Variants in ABCC4 observed in about 807,000 individuals in gnomAD.
The protein encoded by ABCC4 is ATP-binding cassette sub-family C member 4.
In ABCC4, 102 loss-of-function variants were observed where a neutral mutation model predicts 168.5. The ratio of observed to expected loss-of-function variants is 0.61; its 90% confidence interval spans 0.52 to 0.71. The LOEUF is 0.71. Among genes scored for constraint, ABCC4 ranks in the 30% least tolerant of loss-of-function variants. The pLI is 0.00. For synonymous variants in ABCC4, 617 were observed against 590.7 expected (o/e 1.04, Z -0.65); for missense variants, 1,402 against 1,605.8 (o/e 0.87, Z 2.17).
At chr13:95,136,954 C>A (rs1203399840) in intron 19 of ABCC4, among the ~76,000 whole-genome samples, 3 of 152,200 alleles carry the variant, frequency 2.0e-5, no homozygotes, top group African/African-American at 7.2e-5. Flanking sequence ...AGAGTTGGGC[C>A]AGGGATAGAG....
intron 29 of ABCC4, chr13:95,043,364 A>G (rs574130366): frequency 1.6e-4 from 40 of 244,342 alleles, no homozygotes; most frequent in Non-Finnish European, 2.6e-4. Flanking sequence ...GACAGTGACA[A>G]TGACTGTGAT....
intron 1 of ABCC4, among the ~76,000 whole-genome samples, chr13:95,251,665 G>A (rs911436057): frequency 4.6e-5 from 7 of 152,184 alleles, no homozygotes; most frequent in Non-Finnish European, 8.8e-5. Flanking sequence ...GGAGGTAAGC[G>A]AGAAGGCAGG....
intron 1 of ABCC4, among the ~76,000 whole-genome samples, chr13:95,261,354 C>T (rs1050440636): frequency 2.0e-5 from 3 of 152,022 alleles, no homozygotes; most frequent in Admixed American, 2.0e-4. Flanking sequence ...GAAGCTAAGG[C>T]GGAAGAATCA....
At chr13:95,206,412 C>A in intron 8 of ABCC4, 120 bp downstream of exon 8, 3 of 1,330,998 alleles carry the variant, frequency 2.3e-6, no homozygotes, top group Non-Finnish European at 3.1e-6. Context: ...GGAATGGCGG[C>A]ACGTTTTGGT....
At chr13:95,125,482 G>A (rs1678371) in intron 19 of ABCC4, among the ~76,000 whole-genome samples, 73,749 of 151,730 alleles carry the variant, frequency 0.49, 18,636 homozygotes, top group South Asian at 0.69. Flanking sequence ...CTCCACCTCA[G>A]GATTAAATTA....
chr13:95,269,788 A>G (rs978601976), intron 1 of ABCC4, among the ~76,000 whole-genome samples: 3 of 152,230 alleles, frequency 2.0e-5, no homozygotes, highest in African/African-American at 4.8e-5. Flanking sequence ...TCCTACAGAT[A>G]CATCTGAAAA....
chr13:95,298,552 T>A (rs2041596226), intron 1 of ABCC4, among the ~76,000 whole-genome samples: 1 of 152,156 alleles, frequency 6.6e-6, no homozygotes, highest in African/African-American at 2.4e-5. Flanking sequence ...CTGCTCTGAG[T>A]GCTATGCTTT....
intron 29 of ABCC4, 143 bp downstream of exon 29, chr13:95,043,539 A>G (rs553303707): frequency 1.7e-6 from 1 of 578,108 alleles, no homozygotes; most frequent in Non-Finnish European, 3.1e-6. Flanking sequence ...GTAGTTAAGC[A>G]TATGAATTAC....
intron 20 of ABCC4, among the ~76,000 whole-genome samples, chr13:95,102,241 C>A (rs1385916624): frequency 6.6e-6 from 1 of 152,064 alleles, no homozygotes; most frequent in Non-Finnish European, 1.5e-5. Context: ...AACTTCTGGG[C>A]TCAAGTGATC....
intron 19 of ABCC4, among the ~76,000 whole-genome samples, chr13:95,135,732 G>A (rs74914040): frequency 0.019 from 2,919 of 152,186 alleles, 49 homozygotes; most frequent in Middle Eastern, 0.054. Flanking sequence ...CTATATTAAA[G>A]ATGTTGCTCA....
intron 29 of ABCC4, among the ~76,000 whole-genome samples, chr13:95,040,800 A>C (rs2032323498): frequency 6.6e-6 from 1 of 152,206 alleles, no homozygotes; most frequent in Non-Finnish European, 1.5e-5. Context: ...TACTAAAAAG[A>C]GATTTGGGTT....
chr13:95,136,382 T>C (rs988233529), intron 19 of ABCC4, among the ~76,000 whole-genome samples: 1 of 152,134 alleles, frequency 6.6e-6, no homozygotes, highest in Admixed American at 6.6e-5. Context: ...CTCAAACTCC[T>C]GACCTCAAGT....
At chr13:95,217,606 C>T (rs1050685816) in intron 4 of ABCC4, among the ~76,000 whole-genome samples, 11 of 152,114 alleles carry the variant, frequency 7.2e-5, no homozygotes, top group Admixed American at 3.3e-4. Context: ...GTGGCGCACA[C>T]CCCTGCAATC....
intron 30 of ABCC4, among the ~76,000 whole-genome samples, chr13:95,027,257 CTTTT>C (rs556726476): frequency 6.8e-6 from 1 of 147,390 alleles, no homozygotes; most frequent in Non-Finnish European, 1.5e-5. Context: ...TGTTTTGCAA[CTTTT>C]TTTTTTTAAA....
chr13:95,138,788 TC>T (rs2036220046), intron 19 of ABCC4, among the ~76,000 whole-genome samples: 1 of 152,244 alleles, frequency 6.6e-6, no homozygotes, highest in Non-Finnish European at 1.5e-5. Context: ...GACAAAGCCT[TC>T]CTGCTCTAGG....
In ABCC4 at chr13:95,166,189, G is replaced by A. The variant is rs778436423; in HGVS notation, c.2003C>T (p.Ser668Phe). 1.9e-6 allele frequency: 3 copies of A among 1,614,128 alleles called. No individual in the cohort carries two copies. The highest frequency in any genetic ancestry group is 1.1e-5 in the South Asian group (1 of 91,072). ...GCTCTCCAGAGCACCATCTTTCAAG[G>A]AGGGTCTAGAAGATTGTTGAGACCA... ...SVWSQQSSRP[S>F]LKDGALESQD... Residue 668 changes from serine (S) to phenylalanine (F), a missense_variant, in exon 15 of 31, where the codon TCC (serine) becomes TTC (phenylalanine). By Grantham distance (155) the Ser-to-Phe change is radical. Transcript: ENST00000645237.
chr13:95,279,167 T>C (rs1458780025), intron 1 of ABCC4, among the ~76,000 whole-genome samples: 1 of 152,232 alleles, frequency 6.6e-6, no homozygotes, highest in African/African-American at 2.4e-5. Flanking sequence ...TTCTGTAGCA[T>C]GCTATGCTGT....
At chr13:95,038,498 G>A (rs111772411) in intron 29 of ABCC4, among the ~76,000 whole-genome samples, 31 of 152,150 alleles carry the variant, frequency 2.0e-4, no homozygotes, top group African/African-American at 7.2e-4. Context: ...TTCTGAGGAG[G>A]AGCTTCAGGG....
At chr13:95,074,125 T>G in intron 23 of ABCC4, 89 bp downstream of exon 23, 1 of 967,730 alleles carries the variant, frequency 1.0e-6, no homozygotes, top group Non-Finnish European at 1.6e-6. Context: ...CAGTATGTAG[T>G]AGTAGACAAG....
Sources: gnomAD v4.1 joint callset for allele counts (sites outside exome capture counted in the v4.1 genomes callset) on GRCh38, gnomAD v4.1.1 for gene constraint, MANE v1.5 for transcripts, NCBI Gene and HGNC (gene_info 2026-07-23, HGNC 2026-07-21) for gene names.